Variants in ZNF891 observed in about 807,000 individuals in gnomAD.
The protein encoded by ZNF891 is hCG1646157.
For synonymous variants in ZNF891, 199 were observed against 209.0 expected, an observed-to-expected ratio of 0.95 and a Z score of 0.41; for missense variants, 589 against 632.7, an observed-to-expected ratio of 0.93 and a Z score of 0.74.
chr12:133,130,196 G>C (rs1303892448), intron 1 of ZNF891, 31 bp downstream of exon 1: 1 of 152,316 alleles, frequency 6.6e-6, no homozygotes, highest in Non-Finnish European at 1.5e-5. Flanking sequence ...GACTTGTCCC[G>C]GGTGAACGAG....
rs1955627761 is a variant in ZNF891, at chr12:133,107,118, CA to C, written c.*13165del. 1 of 153,246 alleles carries C rather than the reference CA, an allele frequency of 6.5e-6. No individual in the cohort carries two copies. The highest frequency in any genetic ancestry group is 2.1e-4 in the South Asian group (1 of 4,878). The allele number at this position is 153,246 out of a possible 1,614,324, so 9.5% of individuals were successfully genotyped here. A position where few individuals can be genotyped will look rare whatever the true frequency, so the allele number is the denominator to read the frequency against. Reference sequence around the variant, plus strand: ...AAATTCATATTTAAGCAAAGTGATACAAACACAGTGATTTGGGAATGCCTTC... The same window carrying C: ...AAATTCATATTTAAGCAAAGTGATACAACACAGTGATTTGGGAATGCCTTC... On this transcript the variant is annotated 3_prime_UTR_variant, in exon 2 of 2. Transcript: ENST00000537226.
chr12:133,127,279 C>T (rs981147957), intron 1 of ZNF891, among the ~76,000 whole-genome samples: 3 of 151,782 alleles, frequency 2.0e-5, no homozygotes, highest in African/African-American at 4.8e-5. Flanking sequence ...ACTTCTTATT[C>T]CTTAAAAAAA....
Position 133,110,915 on chromosome 12 carries a change from T to A in ZNF891, c.*9369A>T, listed in dbSNP as rs1016202406. 4 of 152,250 alleles carry A rather than the reference T, an allele frequency of 2.6e-5. No individual in the cohort carries two copies. Among genetic ancestry groups the A allele is most frequent in the African/African-American group, 9.7e-5 (4 of 41,442 alleles). 9.4% of individuals were successfully genotyped at this position (152,250 alleles called of 1,614,324 possible). ...TTGCAGTGAGCCGAGATCACGCTAC[T>A]GTATTCCAGCCTGGGCGACAAAGCA... is the stretch of plus-strand genomic sequence containing the variant. On this transcript the variant is annotated 3_prime_UTR_variant, in exon 2 of 2. Coordinates refer to ENST00000537226, the MANE Select transcript of ZNF891 (RefSeq NM_001277291.2).
Position 133,118,129 on chromosome 12 carries a change from G to T in ZNF891, c.*2155C>A, listed in dbSNP as rs968821674. On this transcript the variant is annotated 3_prime_UTR_variant, in exon 2 of 2. Coordinates refer to ENST00000537226, the MANE Select transcript of ZNF891 (RefSeq NM_001277291.2). ...CCCGGCTAATTTTTGTATTTTAGTA[G>T]AACCAGGGTTTCACCATGTTGGCCA... The T allele has an allele frequency of 4.6e-5, 7 of 151,982 alleles. No individual in the cohort carries two copies. The East Asian group carries it at 1.2e-3, about 25-fold the overall frequency. The allele number at this position is 151,982 out of a possible 1,614,324, so 9.4% of individuals were successfully genotyped here. A position where few individuals can be genotyped will look rare whatever the true frequency, so the allele number is the denominator to read the frequency against.
chr12:133,122,276 G>A, intron 1 of ZNF891: 1 of 989,254 alleles, frequency 1.0e-6, no homozygotes, highest in Non-Finnish European at 1.2e-6. Flanking sequence ...TGGGGCATGA[G>A]TTATTTTTAA....
chr12:133,124,302 C>G (rs560460688), intron 1 of ZNF891, among the ~76,000 whole-genome samples: 1 of 152,242 alleles, frequency 6.6e-6, no homozygotes, highest in South Asian at 2.1e-4. Flanking sequence ...ACACACCCCT[C>G]ACATTCACAA....
rs890762283 is a variant in ZNF891, at chr12:133,113,032, C to T, written c.*7252G>A. 4.7e-5 allele frequency: 7 copies of T among 150,020 alleles called. No homozygotes were observed. The highest frequency in any genetic ancestry group is 1.7e-4 in the African/African-American group (7 of 40,880). The allele number at this position is 150,020 out of a possible 1,614,324, so 9.3% of individuals were successfully genotyped here. On this transcript the variant is annotated 3_prime_UTR_variant, in exon 2 of 2. Transcript: ENST00000537226. Reference sequence around the variant, plus strand: ...AGAGATCGTGCCACTGCACTACAGCCTGGGCGACAGAGCAAGACTCTGTCT... The same window carrying T: ...AGAGATCGTGCCACTGCACTACAGCTTGGGCGACAGAGCAAGACTCTGTCT...
rs1317313890 is a variant in ZNF891 at position 133,105,150 on chromosome 12, A to C, written c.*15134T>G. Among the ~76,000 whole-genome samples the C allele has an allele frequency of 5.9e-5, 9 of 152,208 alleles. No homozygotes were observed. Among genetic ancestry groups the C allele is most frequent in the Admixed American group, 5.9e-4 (9 of 15,278 alleles). The stretch of plus-strand genomic sequence containing the variant: ...TCTTTGTGCAATCTGACGAACACTT[A>C]GTGTTTAGTAGCAGCATTATGAAAT... On this transcript the variant is annotated 3_prime_UTR_variant, in exon 2 of 2. Transcript: ENST00000537226.
In ZNF891 at chr12:133,106,235, C is replaced by G; in HGVS notation, c.*14049G>C. 1 of 1,614,216 alleles carries G rather than the reference C, an allele frequency of 6.2e-7. No homozygotes were observed. Among genetic ancestry groups the G allele is most frequent in the Non-Finnish European group, 8.5e-7 (1 of 1,180,036 alleles). On this transcript the variant is annotated 3_prime_UTR_variant, in exon 2 of 2. Transcript: ENST00000537226. Reference sequence around the variant, plus strand: ...CCGTTTCTCACACCTTACTCGACATCAGAGCATCCATACAACCAAAACCCC... The same window carrying G: ...CCGTTTCTCACACCTTACTCGACATGAGAGCATCCATACAACCAAAACCCC...
At position 133,119,952 on chromosome 12, in the gene ZNF891, G is replaced by C. The variant is rs1955739256; in HGVS notation, c.*332C>G. 1 of 190,658 alleles carries C rather than the reference G, an allele frequency of 5.2e-6. No homozygotes were observed. Among genetic ancestry groups the C allele is most frequent in the East Asian group, 1.3e-4 (1 of 7,604 alleles). 11.8% of individuals were successfully genotyped at this position (190,658 alleles called of 1,614,324 possible). A position where few individuals can be genotyped will look rare whatever the true frequency, so the allele number is the denominator to read the frequency against. On this transcript the variant is annotated 3_prime_UTR_variant, in exon 2 of 2. Transcript: ENST00000537226. ...AGCTCAAATGTTTGGTTGGCTGCTA[G>C]CAATACCAGTCTCACTGGGCCAGAA...
chr12:133,106,554 C>G lies in ZNF891; in HGVS notation c.*13730G>C. 2 of 1,613,932 alleles carry G rather than the reference C, an allele frequency of 1.2e-6. No homozygotes were observed. Among genetic ancestry groups the G allele is most frequent in the Non-Finnish European group, 1.7e-6 (2 of 1,180,002 alleles). ...TGCAACAAATCCTTCAGCTGGAGCT[C>G]AAACCTTGCTAAACATCAGAGGACA... On this transcript the variant is annotated 3_prime_UTR_variant, in exon 2 of 2. Transcript: ENST00000537226.
chr12:133,128,908 A>G (rs1955845858), intron 1 of ZNF891, among the ~76,000 whole-genome samples: 1 of 151,962 alleles, frequency 6.6e-6, no homozygotes, highest in Non-Finnish European at 1.5e-5. Context: ...CAAAACAACA[A>G]AAAAACCAAA....
rs1172410070 is a variant in ZNF891 at position 133,121,193 on chromosome 12, C to T, written c.726G>A (p.Glu242=). The T allele has an allele frequency of 6.5e-7, 1 of 1,535,508 alleles. No homozygotes were observed. Among genetic ancestry groups the T allele is most frequent in the Non-Finnish European group, 8.7e-7 (1 of 1,146,822 alleles). The change falls in exon 2 of 2, where the codon GAG becomes GAA. Residue 242 remains glutamate, a synonymous_variant. Transcript: ENST00000537226. ...CACATTCATGACTTTCATAGAGCTT[C>T]TCACTTATAGAGTTTTTCACATAAT... The part of the protein sequence containing the change: ...INNYVKNSIS[E]KLYESHECDT...
Position 133,120,629 on chromosome 12 carries a change from T to G in ZNF891, c.1290A>C (p.Lys430Asn). The G allele has an allele frequency of 6.4e-7, 1 of 1,559,908 alleles. No homozygotes were observed. The change falls in exon 2 of 2, where the codon AAA becomes AAC. Residue 430 changes from lysine to asparagine, a missense_variant. Transcript: ENST00000537226. ...IVHKRIHTGE[K>N]LYECSECGKA... ...TTCCACACTCACTGCATTCATAGAGTTTTTCTCCAGTGTGTATTCTCTTGT... is the reference window on the plus strand; with the variant it reads ...TTCCACACTCACTGCATTCATAGAGGTTTTCTCCAGTGTGTATTCTCTTGT...
chr12:133,120,553 C>G lies in ZNF891; in HGVS notation c.1366G>C (p.Gly456Arg), dbSNP rs375200230. ...TCACTGCATTCATAAACATTCTCTC[C>G]GGTATGAATTTTCTTATGAACTTTA... The part of the protein sequence containing the change: ...HLKVHKKIHT[G>R]ENVYECSDCG... Residue 456 changes from glycine to arginine, a missense_variant, in exon 2 of 2, where the codon GGA (glycine) becomes CGA (arginine). Transcript: ENST00000537226. 1.3e-6 allele frequency: 2 copies of G among 1,561,736 alleles called. No homozygotes were observed. The highest frequency in any genetic ancestry group is 2.3e-5 in the South Asian group (2 of 85,666).
intron 1 of ZNF891, among the ~76,000 whole-genome samples, chr12:133,127,378 A>C (rs1388965103): frequency 6.6e-6 from 1 of 152,210 alleles, no homozygotes; most frequent in African/African-American, 2.4e-5. Flanking sequence ...AATACCAAAG[A>C]GCTCCAAGAG....
chr12:133,121,056 T>C lies in ZNF891; in HGVS notation c.863A>G (p.His288Arg), dbSNP rs61739974. 7.0e-4 allele frequency: 1,075 copies of C among 1,535,560 alleles called. 1 individual carries two copies. Among genetic ancestry groups the C allele is most frequent in the Non-Finnish European group, 8.6e-4 (991 of 1,146,884 alleles). ...ACATTCACAGGCATTCTGTGCCATA[T>C]GCAAATTGTTAGGTACAGGAAACAT... ...HNMFPVPNNL[H>R]MAQNACECNK... Residue 288 changes from histidine (H) to arginine (R), a missense_variant, in exon 2 of 2, where the codon CAT becomes CGT. His to Arg is a conservative substitution (Grantham distance 29). Transcript: ENST00000537226.
At position 133,105,427 on chromosome 12, in the gene ZNF891, C is replaced by G; in HGVS notation, c.*14857G>C. The stretch of plus-strand genomic sequence containing the variant: ...TGATAAGATTTTTTGAAACTTCATT[C>G]TGTTGCTAAAGAAGGGAGAAATGGC... On this transcript the variant is annotated 3_prime_UTR_variant, in exon 2 of 2. Transcript: ENST00000537226. 7.2e-7 allele frequency: 1 copy of G among 1,393,368 alleles called. No individual in the cohort carries two copies. The allele number at this position is 1,393,368 out of a possible 1,614,324, so 86.3% of individuals were successfully genotyped here. A position where few individuals can be genotyped will look rare whatever the true frequency, so the allele number is the denominator to read the frequency against.
chr12:133,123,902 C>G (rs1024316277), intron 1 of ZNF891, among the ~76,000 whole-genome samples: 2 of 152,090 alleles, frequency 1.3e-5, no homozygotes, highest in African/African-American at 4.8e-5. Context: ...CACTAAACAA[C>G]TTTACTAAAC....
Sources: allele counts gnomAD v4.1 joint callset (sites outside exome capture counted in the v4.1 genomes callset), GRCh38; gene constraint gnomAD v4.1.1; transcripts MANE v1.5; gene names NCBI Gene and HGNC (gene_info 2026-07-23, HGNC 2026-07-21).